The following VWA8 variants were observed in gnomAD, a reference collection of about 807,000 sequenced individuals.
VWA8 encodes von Willebrand factor A domain-containing protein 8.
VWA8 carries 221 observed loss-of-function variants against 241.5 expected under a neutral mutation model. The observed-to-expected ratio is 0.91, with a 90% CI of 0.82 to 1.02. VWA8 has a LOEUF of 1.02. Among genes scored for constraint, VWA8 ranks in the 50% least tolerant of loss-of-function variants. The pLI, the probability that VWA8 is intolerant of heterozygous loss-of-function variation, is 0.00. For synonymous variants in VWA8, 852 were observed against 827.1 expected, an observed-to-expected ratio of 1.03 and a Z score of -0.52; for missense variants, 2,322 against 2,328.7, an observed-to-expected ratio of 1.00 and a Z score of 0.06.
chr13:41,872,787 T>A (rs2138060254), intron 9 of VWA8, among the ~76,000 whole-genome samples: 1 of 152,292 alleles, frequency 6.6e-6, no homozygotes, highest in South Asian at 2.1e-4. Context: ...CTTGGCAATG[T>A]GGGCCCTTTT....
At chr13:41,946,970 T>A (rs957432869) in intron 2 of VWA8, among the ~76,000 whole-genome samples, 8 of 152,168 alleles carry the variant, frequency 5.3e-5, no homozygotes, top group Non-Finnish European at 1.2e-4. Context: ...TCTTCTACAA[T>A]CCCCCAGGTG....
chr13:41,753,939 C>T (rs1484361802), intron 21 of VWA8, among the ~76,000 whole-genome samples: 2 of 152,176 alleles, frequency 1.3e-5, no homozygotes, highest in East Asian at 1.9e-4. Context: ...ACATATGTTT[C>T]TCTTAAGGCA....
At chr13:41,820,048 G>A (rs1386470698) in intron 14 of VWA8, among the ~76,000 whole-genome samples, 1 of 152,146 alleles carries the variant, frequency 6.6e-6, no homozygotes, top group Non-Finnish European at 1.5e-5. Context: ...AAATTTTCTA[G>A]TACACACAGA....
chr13:41,926,260 A>T, intron 2 of VWA8: 1 of 664,282 alleles, frequency 1.5e-6, no homozygotes. Flanking sequence ...CTCAAAGACC[A>T]GGAAACAAGG....
At chr13:41,770,440 C>CAAAAAAAAA (rs35797822) in intron 20 of VWA8, among the ~76,000 whole-genome samples, 1 of 102,414 alleles carries the variant, frequency 9.8e-6, no homozygotes, top group African/African-American at 4.3e-5. Context: ...GACTCCGTTT[C>CAAAAAAAAA]AAAAAAAAAA....
At chr13:41,681,430 A>G (rs2045097833) in intron 35 of VWA8, among the ~76,000 whole-genome samples, 1 of 152,168 alleles carries the variant, frequency 6.6e-6, no homozygotes, top group Non-Finnish European at 1.5e-5. Flanking sequence ...CATGATGGTG[A>G]AAAAAACAGA....
chr13:41,864,449 T>A (rs1157382160), intron 12 of VWA8, among the ~76,000 whole-genome samples: 3 of 152,106 alleles, frequency 2.0e-5, no homozygotes, highest in Non-Finnish European at 4.4e-5. Flanking sequence ...AACAGACCAA[T>A]GGAGAAACAA....
intron 17 of VWA8, among the ~76,000 whole-genome samples, chr13:41,793,453 T>C (rs886306356): frequency 1.3e-5 from 2 of 152,138 alleles, no homozygotes; most frequent in South Asian, 4.2e-4. Flanking sequence ...TTCTGACTGA[T>C]TGAATGTGTC....
chr13:41,751,508 G>A (rs914117362), intron 21 of VWA8, among the ~76,000 whole-genome samples: 2 of 152,006 alleles, frequency 1.3e-5, no homozygotes, highest in Non-Finnish European at 2.9e-5. Context: ...AAGCTTTTAC[G>A]TTTTCTATTT....
chr13:41,573,484 AAAATAT>A lies in VWA8; in HGVS notation c.5370+2250_5370+2255del, dbSNP rs1314565286. ...AGGGTGGCTATAGTTTAAAAAAAAA[AAAATAT>A]ATATATATATATATATACCTCTCTC... On this transcript the variant is annotated intron_variant, in intron 43 of 44. Coordinates refer to ENST00000379310, the MANE Select transcript of VWA8 (RefSeq NM_015058.2). Among the ~76,000 whole-genome samples the A allele has an allele frequency of 2.0e-4, 23 of 117,016 alleles. 1 individual carries two copies. The highest frequency in any genetic ancestry group is 5.8e-4 in the South Asian group (2 of 3,448). The allele number at this position is 117,016 out of a possible 152,430, so 76.8% of individuals were successfully genotyped here. A position where few individuals can be genotyped will look rare whatever the true frequency, so the allele number is the denominator to read the frequency against.
At chr13:41,945,538 A>G (rs1877811799) in intron 2 of VWA8, among the ~76,000 whole-genome samples, 2 of 152,218 alleles carry the variant, frequency 1.3e-5, no homozygotes, top group South Asian at 4.1e-4. Context: ...CTAAAGAAGT[A>G]TGACAACAAC....
chr13:41,829,892 C>T (rs946368408), intron 14 of VWA8, among the ~76,000 whole-genome samples: 1 of 152,084 alleles, frequency 6.6e-6, no homozygotes, highest in Non-Finnish European at 1.5e-5. Flanking sequence ...GAACTTATCC[C>T]TGTAACCACA....
intron 41 of VWA8, among the ~76,000 whole-genome samples, chr13:41,590,051 A>T (rs1014527970): frequency 6.6e-6 from 1 of 151,338 alleles, no homozygotes; most frequent in African/African-American, 2.5e-5. Flanking sequence ...GCGAAGGGGA[A>T]GTTTTCCCTT....
chr13:41,819,475 C>T, intron 14 of VWA8, 89 bp from the exon 15 acceptor site: 1 of 1,318,322 alleles, frequency 7.6e-7, no homozygotes, highest in Non-Finnish European at 1.0e-6. Flanking sequence ...AACGTTAGGG[C>T]TATCATACTG....
chr13:41,813,631 A>G (rs541114274), intron 16 of VWA8, among the ~76,000 whole-genome samples: 2 of 152,136 alleles, frequency 1.3e-5, no homozygotes, highest in East Asian at 1.9e-4. Flanking sequence ...CCAGTCATCA[A>G]TAAGGAATGC....
At chr13:41,949,899 A>C in intron 2 of VWA8, 37 bp downstream of exon 2, 1 of 1,270,684 alleles carries the variant, frequency 7.9e-7, no homozygotes, top group Admixed American at 2.2e-5. Context: ...TGAAAAGTTA[A>C]AAGTTATTCA....
intron 2 of VWA8, among the ~76,000 whole-genome samples, chr13:41,935,686 C>T (rs369994721): frequency 2.8e-4 from 43 of 152,058 alleles, no homozygotes; most frequent in African/African-American, 9.6e-4. Context: ...TAAGAGCCTG[C>T]AGTGCTCCTC....
chr13:41,932,258 T>C (rs1877159102), intron 2 of VWA8, among the ~76,000 whole-genome samples: 1 of 152,126 alleles, frequency 6.6e-6, no homozygotes, highest in African/African-American at 2.4e-5. Context: ...CCTTTTTTAG[T>C]TGACACAATT....
At chr13:41,852,943 C>A (rs1036236033) in intron 12 of VWA8, among the ~76,000 whole-genome samples, 1 of 151,988 alleles carries the variant, frequency 6.6e-6, no homozygotes, top group Non-Finnish European at 1.5e-5. Flanking sequence ...TTCTGTGGTT[C>A]CATATGAATT....
Sources: gnomAD v4.1 joint callset for allele counts (sites outside exome capture counted in the v4.1 genomes callset) on GRCh38, gnomAD v4.1.1 for gene constraint, MANE v1.5 for transcripts, NCBI Gene and HGNC (gene_info 2026-07-23, HGNC 2026-07-21) for gene names.